RAPH1: variants seen among roughly 807,000 people sequenced by gnomAD.
RAPH1 encodes Ras association (RalGDS/AF-6) and pleckstrin homology domains 1, also known as ras-associated and pleckstrin homology domains-containing protein 1.
A neutral mutation model predicts 88.1 loss-of-function variants in RAPH1; 18 were observed. That is an observed-to-expected ratio of 0.20 (90% CI 0.14 to 0.30). The LOEUF (loss-of-function observed/expected upper bound fraction) is 0.30. RAPH1 is among the 10% of genes least tolerant of loss of function. The pLI is 1.00. For missense variants in RAPH1, 1,448 were observed against 1,543.2 expected, an observed-to-expected ratio of 0.94 and a Z score of 1.03; for synonymous variants, 587 against 559.0, an observed-to-expected ratio of 1.05 and a Z score of -0.71.
rs568395775 is a variant in RAPH1, at chr2:203,479,466, T to C, written c.732+10118A>G. ...TGAAAATACAAAAAATAGCCAGGGG[T>C]GGTGACTCGTGCCTGTAGTCCCACC... On this transcript the variant is annotated intron_variant, in intron 4 of 13. Transcript: ENST00000319170. 7.2e-4 allele frequency among the ~76,000 whole-genome samples: 109 copies of C among 151,874 alleles called. 1 individual carries two copies. Among genetic ancestry groups the C allele is most frequent in the African/African-American group, 2.5e-3 (104 of 41,428 alleles).
chr2:203,440,977 G>T lies in RAPH1; in HGVS notation c.2213C>A (p.Pro738Gln). 1 of 1,580,692 alleles carries T rather than the reference G, an allele frequency of 6.3e-7. No individual in the cohort carries two copies. The highest frequency in any genetic ancestry group is 8.6e-7 in the Non-Finnish European group (1 of 1,166,954). Residue 738 changes from proline to glutamine, a missense_variant, in exon 14 of 14, where the codon CCA becomes CAA. By Grantham distance (76) the Pro-to-Gln change is moderately conservative (BLOSUM62 -1). Transcript: ENST00000319170. ...LKPAPCAPSL[P>Q]QFSAPPPPLK... ...TGGAGGAGGCGGGGCACTGAACTGT[G>T]GAAGGGATGGGGCACACGGTGCAGG...
intron 10 of RAPH1, among the ~76,000 whole-genome samples, chr2:203,449,853 T>C (rs571424765): frequency 6.6e-6 from 1 of 151,978 alleles, no homozygotes; most frequent in Non-Finnish European, 1.5e-5. Flanking sequence ...TGAAACCCCG[T>C]CTCTATTAAA....
At chr2:203,473,785 T>C (rs769553870) in intron 4 of RAPH1, among the ~76,000 whole-genome samples, 8 of 152,210 alleles carry the variant, frequency 5.3e-5, no homozygotes, top group Non-Finnish European at 1.2e-4. Flanking sequence ...CTTCTTATAT[T>C]TTCTTTTATT....
intron 6 of RAPH1, among the ~76,000 whole-genome samples, chr2:203,460,355 G>A (rs2098523318): frequency 1.3e-5 from 2 of 152,028 alleles, no homozygotes; most frequent in Admixed American, 6.6e-5. Context: ...TATAAGTTTC[G>A]ATATCAAGTA....
chr2:203,521,491 T>C (rs1436551516), intron 1 of RAPH1, among the ~76,000 whole-genome samples: 2 of 152,148 alleles, frequency 1.3e-5, no homozygotes, highest in South Asian at 2.1e-4. Context: ...CACCACAAAT[T>C]ACCTGGAGGA....
rs1012774535 is a variant in RAPH1 at position 203,507,245 on chromosome 2, C to T, written c.1-11892G>A. On this transcript the variant is annotated intron_variant, in intron 1 of 13. Transcript: ENST00000319170. The stretch of plus-strand genomic sequence containing the variant: ...AAAATATACACAGTAAAGAAGAAAG[C>T]TCTTACTTACTGTAGAATGCCAACT... Among the ~76,000 whole-genome samples the T allele has an allele frequency of 5.3e-5, 8 of 151,842 alleles. 1 individual carries two copies. The highest frequency in any genetic ancestry group is 1.9e-4 in the African/African-American group (8 of 41,336).
intron 1 of RAPH1, among the ~76,000 whole-genome samples, chr2:203,517,603 C>A (rs1256011177): frequency 1.3e-5 from 2 of 152,080 alleles, no homozygotes; most frequent in Non-Finnish European, 2.9e-5. Flanking sequence ...CAAGACAGAT[C>A]ACATTCTGGA....
intron 4 of RAPH1, 98 bp from the exon 5 acceptor site, chr2:203,462,023 T>C: frequency 1.1e-6 from 1 of 903,484 alleles, no homozygotes; most frequent in Non-Finnish European, 1.7e-6. Context: ...ATAAATTTCA[T>C]TAAGAATATA....
intron 1 of RAPH1, among the ~76,000 whole-genome samples, chr2:203,512,068 G>A (rs1377306135): frequency 1.3e-5 from 2 of 151,864 alleles, no homozygotes; most frequent in Admixed American, 6.6e-5. Context: ...AGCCGAGATC[G>A]CACCAATGCA....
intron 1 of RAPH1, among the ~76,000 whole-genome samples, chr2:203,533,845 C>G (rs1240038942): frequency 2.6e-5 from 4 of 152,088 alleles, no homozygotes; most frequent in Non-Finnish European, 5.9e-5. Context: ...CTCATTTAAT[C>G]TACATGAAAA....
chr2:203,456,296 G>A (rs757440635), intron 8 of RAPH1, among the ~76,000 whole-genome samples: 2 of 152,102 alleles, frequency 1.3e-5, no homozygotes, highest in African/African-American at 4.8e-5. Context: ...CAAACCAAGC[G>A]TTAGACTTTA....
chr2:203,454,903 T>A (rs977740345), intron 9 of RAPH1, among the ~76,000 whole-genome samples: 2 of 152,162 alleles, frequency 1.3e-5, no homozygotes, highest in Non-Finnish European at 2.9e-5. Flanking sequence ...ATAATGCATA[T>A]GTAAAGTATA....
Position 203,505,658 on chromosome 2 carries a change from CCA to C in RAPH1, c.1-10307_1-10306del, listed in dbSNP as rs367970764. Among the ~76,000 whole-genome samples the C allele has an allele frequency of 5.0e-3, 758 of 152,184 alleles. 8 individuals carry two copies. Among genetic ancestry groups the C allele is most frequent in the African/African-American group, 0.017 (718 of 41,498 alleles). On this transcript the variant is annotated intron_variant, in intron 1 of 13. Coordinates refer to ENST00000319170, the MANE Select transcript of RAPH1 (RefSeq NM_213589.3). ...ATATGCCATAAAGCATTATCTGAAACCACAGAGTAGATAAAAAACTATAAAAA... is the reference window on the plus strand; with the variant it reads ...ATATGCCATAAAGCATTATCTGAAACCAGAGTAGATAAAAAACTATAAAAA...
intron 1 of RAPH1, among the ~76,000 whole-genome samples, chr2:203,520,696 G>A (rs1271011979): frequency 6.6e-6 from 1 of 151,262 alleles, no homozygotes; most frequent in Non-Finnish European, 1.5e-5. Context: ...ACATACTAAA[G>A]AAGGTTAAAA....
rs1351295760 is a variant in RAPH1, at chr2:203,506,846, CTATCTATATCTATATATA to C, written c.1-11511_1-11494del. ...TATATATATATCTATATCTATATAT[CTATCTATATCTATATATA>C]TATATATATATATATAGATATATAT... On this transcript the variant is annotated intron_variant, in intron 1 of 13. Transcript: ENST00000319170. Among the ~76,000 whole-genome samples the C allele has an allele frequency of 3.0e-4, 20 of 66,482 alleles. 2 individuals are homozygous for C. The highest frequency in any genetic ancestry group is 1.8e-3 in the African/African-American group (17 of 9,278). 43.6% of individuals were successfully genotyped at this position (66,482 alleles called of 152,430 possible).
intron 1 of RAPH1, among the ~76,000 whole-genome samples, chr2:203,513,351 C>CTTTTTTTTTTT (rs35194583): frequency 2.3e-5 from 2 of 86,912 alleles, no homozygotes; most frequent in Admixed American, 1.4e-4. Flanking sequence ...TTCTCTCAAT[C>CTTTTTTTTTTT]TTTTTTTTTT....
intron 1 of RAPH1, among the ~76,000 whole-genome samples, chr2:203,531,647 T>C (rs1232351201): frequency 6.6e-6 from 1 of 152,126 alleles, no homozygotes; most frequent in Non-Finnish European, 1.5e-5. Flanking sequence ...CCCTAATCAT[T>C]AGGAAAATTC....
chr2:203,486,471 G>A (rs2105809914), intron 4 of RAPH1, among the ~76,000 whole-genome samples: 1 of 152,246 alleles, frequency 6.6e-6, no homozygotes, highest in South Asian at 2.1e-4. Context: ...GGAGTAGAGT[G>A]AGAAGTCAAT....
At chr2:203,467,732 T>C (rs1015981190) in intron 4 of RAPH1, among the ~76,000 whole-genome samples, 1 of 152,190 alleles carries the variant, frequency 6.6e-6, no homozygotes, top group African/African-American at 2.4e-5. Context: ...CAATTCCCTA[T>C]GTATACCAAG....
Sources: allele counts gnomAD v4.1 joint callset (sites outside exome capture counted in the v4.1 genomes callset), GRCh38; gene constraint gnomAD v4.1.1; transcripts MANE v1.5; gene names NCBI Gene and HGNC (gene_info 2026-07-23, HGNC 2026-07-21).